Variants in LIX1 observed in about 807,000 individuals in gnomAD.
LIX1 encodes protein limb expression 1 homolog.
In LIX1, 24 loss-of-function variants were observed where a neutral mutation model predicts 33.4. That is an observed-to-expected ratio of 0.72 (90% CI 0.52 to 1.01). LIX1 has a LOEUF of 1.01. LIX1 is among the 50% of genes least tolerant of loss of function. The probability of loss-of-function intolerance (pLI) is 0.00; values close to 1 mark genes in which losing one functional copy is unlikely to be tolerated. For synonymous variants in LIX1, 124 were observed against 124.0 expected, an observed-to-expected ratio of 1.00 and a Z score of 0.00; for missense variants, 311 against 339.2, an observed-to-expected ratio of 0.92 and a Z score of 0.65.
At chr5:97,114,756 G>A (rs945603321) in intron 2 of LIX1, among the ~76,000 whole-genome samples, 1 of 152,176 alleles carries the variant, frequency 6.6e-6, no homozygotes, top group African/African-American at 2.4e-5. Flanking sequence ...CAACAGGCAG[G>A]AGCAGAACCA....
rs762221585 is a variant in LIX1 at position 97,094,910 on chromosome 5, C to A, written c.687G>T (p.Leu229=). 8.1e-6 allele frequency: 13 copies of A among 1,614,088 alleles called. No homozygotes were observed. Among genetic ancestry groups the A allele is most frequent in the Admixed American group, 6.7e-5 (4 of 60,004 alleles). ...GIVSQELRMA[L]RQLEEARKAG... ...CTTTCCTGGCTTCCTCCAACTGCCT[C>A]AGGGCCATTCGTAGCTCTTGAGAGA... Residue 229 remains leucine (L), a synonymous_variant, in exon 6 of 6, where the codon CTG becomes CTT. Coordinates refer to ENST00000274382, the MANE Select transcript of LIX1 (RefSeq NM_153234.5).
chr5:97,105,329 C>G lies in LIX1; in HGVS notation c.388-44G>C, dbSNP rs752878151. ...AAAAGAAAAATTACTGATTTTTCCT[C>G]CTCTTCTTTGAATGGTCACAAATTA... On this transcript the variant is annotated intron_variant, in intron 3 of 5. Transcript: ENST00000274382. 9.9e-6 allele frequency: 15 copies of G among 1,514,682 alleles called. No homozygotes were observed. In the South Asian group the frequency reaches 1.4e-4, roughly 14 times the overall value. The allele number at this position is 1,514,682 out of a possible 1,614,324, so 93.8% of individuals were successfully genotyped here.
In LIX1 at chr5:97,095,021, G is replaced by C. The variant is rs1561484863; in HGVS notation, c.576C>G (p.Tyr192Ter). ...TTTCATCTAGAGAATACTGAGAATA[G>C]TAGGAGATGACTTCCTGGGGGCCAA... is the stretch of plus-strand genomic sequence containing the variant. The part of the protein sequence containing the change: ...TKCSRQEVIS[Y>*]YSQYSLDEKM... The change falls in exon 6 of 6, where the codon TAC becomes TAG. Residue 192 changes from tyrosine to a stop codon, truncating the protein, a stop_gained. Transcript: ENST00000274382. LOFTEE classifies it high-confidence loss of function. The C allele has an allele frequency of 6.2e-7, 1 of 1,613,120 alleles. No homozygotes were observed. The highest frequency in any genetic ancestry group is 1.1e-5 in the South Asian group (1 of 91,030).
intron 2 of LIX1, among the ~76,000 whole-genome samples, chr5:97,109,146 C>T (rs1665082509): frequency 6.6e-6 from 1 of 152,094 alleles, no homozygotes; most frequent in African/African-American, 2.4e-5. Context: ...TGTGATTTTC[C>T]CTCAAACCTT....
rs1746160828 is a variant in LIX1, at chr5:97,093,151, T to C, written c.*1597A>G. 6.6e-6 allele frequency: 1 copy of C among 152,342 alleles called. No homozygotes were observed. Among genetic ancestry groups the C allele is most frequent in the Non-Finnish European group, 1.5e-5 (1 of 68,034 alleles). The allele number at this position is 152,342 out of a possible 1,614,324, so 9.4% of individuals were successfully genotyped here. ...TACATGATAATCTTTTATTATCAAG[T>C]CTAATTCCAAAATACATGATCAGTT... On this transcript the variant is annotated 3_prime_UTR_variant, in exon 6 of 6. Transcript: ENST00000274382.
At chr5:97,106,088 G>A (rs73143136) in intron 3 of LIX1, among the ~76,000 whole-genome samples, 1,933 of 152,026 alleles carry the variant, frequency 0.013, 48 homozygotes, top group African/African-American at 0.039. Context: ...ATATCCCAGA[G>A]GAAATCCATC....
intron 3 of LIX1, among the ~76,000 whole-genome samples, 156 bp from the exon 4 acceptor site, chr5:97,105,441 C>A (rs73775657): frequency 0.011 from 1,689 of 152,320 alleles, 25 homozygotes; most frequent in African/African-American, 0.039. Context: ...AGAGTTTTGT[C>A]ATCAATTTGA....
chr5:97,129,228 A>T (rs1748000467), intron 1 of LIX1, among the ~76,000 whole-genome samples: 1 of 152,140 alleles, frequency 6.6e-6, no homozygotes, highest in South Asian at 2.1e-4. Flanking sequence ...ACTTGCTTCC[A>T]GCATCAGTTT....
At chr5:97,099,962 T>C (rs1442889721) in intron 4 of LIX1, among the ~76,000 whole-genome samples, 1 of 152,244 alleles carries the variant, frequency 6.6e-6, no homozygotes, top group Non-Finnish European at 1.5e-5. Context: ...CTATCTATCT[T>C]GGCATTGTTC....
At chr5:97,109,064 C>G (rs532054760) in intron 2 of LIX1, among the ~76,000 whole-genome samples, 12 of 152,232 alleles carry the variant, frequency 7.9e-5, no homozygotes, top group African/African-American at 2.9e-4. Context: ...CTCGTGTCCT[C>G]TAGAGACCTG....
At chr5:97,118,507 A>T in intron 2 of LIX1, among the ~76,000 whole-genome samples, 1 of 152,174 alleles carries the variant, frequency 6.6e-6, no homozygotes, top group East Asian at 1.9e-4. Context: ...TTGTAAAAAA[A>T]TGGAAATTAC....
At chr5:97,113,465 G>A (rs950675774) in intron 2 of LIX1, among the ~76,000 whole-genome samples, 5 of 152,320 alleles carry the variant, frequency 3.3e-5, no homozygotes, top group African/African-American at 1.2e-4. Context: ...CTGGCACTAT[G>A]TGCTTGGTAC....
intron 2 of LIX1, among the ~76,000 whole-genome samples, chr5:97,121,372 C>T (rs1747781447): frequency 6.6e-6 from 1 of 152,074 alleles, no homozygotes; most frequent in African/African-American, 2.4e-5. Context: ...TATTTCCTCC[C>T]CTCTATTTCC....
intron 2 of LIX1, among the ~76,000 whole-genome samples, chr5:97,111,178 G>A (rs1284841769): frequency 6.6e-6 from 1 of 152,164 alleles, no homozygotes; most frequent in East Asian, 1.9e-4. Context: ...TAAAGGCAGA[G>A]CCTATGACTT....
chr5:97,123,919 C>A (rs1331824495), intron 2 of LIX1, among the ~76,000 whole-genome samples: 1 of 152,162 alleles, frequency 6.6e-6, no homozygotes, highest in Non-Finnish European at 1.5e-5. Context: ...TTTGACTTCC[C>A]AGAGGCAGCA....
intron 2 of LIX1, among the ~76,000 whole-genome samples, chr5:97,108,519 G>A (rs1162655026): frequency 6.6e-6 from 1 of 152,176 alleles, no homozygotes; most frequent in Non-Finnish European, 1.5e-5. Flanking sequence ...CATCGTTCCT[G>A]GGGTTGCAGA....
At chr5:97,134,963 G>A (rs531259856) in intron 1 of LIX1, among the ~76,000 whole-genome samples, 2 of 152,312 alleles carry the variant, frequency 1.3e-5, no homozygotes, top group Non-Finnish European at 2.9e-5. Flanking sequence ...CTTTGGTAAC[G>A]CTCCCAGGTC....
chr5:97,127,459 G>A (rs557505205), intron 1 of LIX1, among the ~76,000 whole-genome samples: 1 of 152,220 alleles, frequency 6.6e-6, no homozygotes, highest in Admixed American at 6.5e-5. Flanking sequence ...CACCAAGAGT[G>A]CAATATATAT....
chr5:97,110,686 C>T (rs1426985976), intron 2 of LIX1, among the ~76,000 whole-genome samples: 19 of 152,150 alleles, frequency 1.2e-4, no homozygotes, highest in Admixed American at 1.2e-3. Context: ...TCAGGTGATC[C>T]GCCCGCCTTG....
Sources: gnomAD v4.1 joint callset for allele counts (sites outside exome capture counted in the v4.1 genomes callset) on GRCh38, gnomAD v4.1.1 for gene constraint, MANE v1.5 for transcripts, NCBI Gene and HGNC (gene_info 2026-07-23, HGNC 2026-07-21) for gene names.